The following DNAJB14 variants were observed in gnomAD, a reference collection of about 807,000 sequenced individuals.
DNAJB14 encodes dnaJ homolog subfamily B member 14.
Under a neutral mutation model 48.4 loss-of-function variants are expected in DNAJB14, and 22 were observed. That is an observed-to-expected ratio of 0.45 (90% CI 0.32 to 0.65). DNAJB14 has a LOEUF of 0.65. Ranked by LOEUF, DNAJB14 falls within the 30% of genes least tolerant of loss-of-function variation. The probability of loss-of-function intolerance (pLI) is 0.03; values close to 1 mark genes in which losing one functional copy is unlikely to be tolerated. For missense variants in DNAJB14, 319 were observed against 458.8 expected, an observed-to-expected ratio of 0.70 and a Z score of 2.78; for synonymous variants, 142 against 158.7, an observed-to-expected ratio of 0.89 and a Z score of 0.79.
intron 1 of DNAJB14, among the ~76,000 whole-genome samples, chr4:99,935,133 A>G (rs1308685576): frequency 6.6e-6 from 1 of 152,184 alleles, no homozygotes; most frequent in African/African-American, 2.4e-5. Context: ...AAAACAAAAA[A>G]TCTGAAACTA....
rs1725212762 is a variant in DNAJB14 at position 99,899,089 on chromosome 4, A to G, written c.*1939T>C. ...TCCAAAAGCCATGTATGACTTTATAATATATACTTTATGGTATCACTTAAC... is the reference window on the plus strand; with the variant it reads ...TCCAAAAGCCATGTATGACTTTATAGTATATACTTTATGGTATCACTTAAC... On this transcript the variant is annotated 3_prime_UTR_variant, in exon 8 of 8. Transcript: ENST00000442697. 6.6e-6 allele frequency: 1 copy of G among 151,920 alleles called. No homozygotes were observed. Among genetic ancestry groups the G allele is most frequent in the African/African-American group, 2.4e-5 (1 of 41,424 alleles). The allele number at this position is 151,920 out of a possible 1,614,324, so 9.4% of individuals were successfully genotyped here. A position where few individuals can be genotyped will look rare whatever the true frequency, so the allele number is the denominator to read the frequency against.
rs533993168 is a variant in DNAJB14, at chr4:99,896,309, C to T, written c.*4719G>A. 2 of 152,180 alleles carry T rather than the reference C, an allele frequency of 1.3e-5. No homozygotes were observed. The highest frequency in any genetic ancestry group is 3.9e-4 in the East Asian group (2 of 5,184). 9.4% of individuals were successfully genotyped at this position (152,180 alleles called of 1,614,324 possible). A position where few individuals can be genotyped will look rare whatever the true frequency, so the allele number is the denominator to read the frequency against. ...GAGATAAACTACAGAGACTGAAAGA[C>T]AAAAATTCATATTTCATTCAGAACA... On this transcript the variant is annotated 3_prime_UTR_variant, in exon 8 of 8. Transcript: ENST00000442697.
At chr4:99,923,558 C>A (rs567403201) in intron 2 of DNAJB14, 99 of 571,902 alleles carry the variant, frequency 1.7e-4, no homozygotes, top group Non-Finnish European at 2.1e-4. Flanking sequence ...TTCCAAAACT[C>A]CTCAAAAGTA....
chr4:99,919,113 A>G (rs1401135720), intron 3 of DNAJB14, among the ~76,000 whole-genome samples: 3 of 151,674 alleles, frequency 2.0e-5, no homozygotes, highest in African/African-American at 7.3e-5. Flanking sequence ...TGGGGCCACA[A>G]TTTTTCCTGT....
At chr4:99,907,638 A>C (rs898423004) in intron 4 of DNAJB14, among the ~76,000 whole-genome samples, 4 of 152,092 alleles carry the variant, frequency 2.6e-5, no homozygotes, top group Admixed American at 2.0e-4. Context: ...TGATTGCCCC[A>C]GTGTACTCCA....
At position 99,905,597 on chromosome 4, in the gene DNAJB14, G is replaced by A. The variant is rs149618769; in HGVS notation, c.842C>T (p.Ser281Phe). The A allele has an allele frequency of 3.7e-5, 59 of 1,602,494 alleles. No homozygotes were observed. The highest frequency in any genetic ancestry group is 3.2e-4 in the Admixed American group (19 of 59,518). ...SNPPYSLYPR[S>F]GTGQTIKMQT... is the part of the protein sequence containing the mutation. The stretch of plus-strand genomic sequence containing the variant: ...TGTAAAACTTCACTTGGCTACTTAC[G>A]ATCTGGGATATAAGGAATAAGGAGG... Residue 281 changes from serine to phenylalanine, a missense_variant and splice_region_variant, in exon 6 of 8, where the codon TCT becomes TTT. Ser to Phe is a radical substitution (Grantham distance 155). Transcript: ENST00000442697.
chr4:99,925,168 C>A, intron 2 of DNAJB14: 1 of 215,138 alleles, frequency 4.6e-6, no homozygotes, highest in Non-Finnish European at 9.2e-6. Flanking sequence ...CACATCTTCC[C>A]ATGTACTTTA....
chr4:99,923,001 A>G (rs1253633099), intron 3 of DNAJB14, 39 bp downstream of exon 3: 2 of 1,560,272 alleles, frequency 1.3e-6, no homozygotes, highest in East Asian at 2.3e-5. Context: ...TGAATTCTAA[A>G]GACAGCTTAG....
At chr4:99,923,732 T>C (rs1473104393) in intron 2 of DNAJB14, 3 of 968,694 alleles carry the variant, frequency 3.1e-6, no homozygotes, top group Non-Finnish European at 3.7e-6. Flanking sequence ...GATGGGGTCT[T>C]GTTATGTTGG....
intron 6 of DNAJB14, among the ~76,000 whole-genome samples, chr4:99,904,484 G>T (rs909491262): frequency 6.6e-6 from 1 of 151,964 alleles, no homozygotes; most frequent in Non-Finnish European, 1.5e-5. Flanking sequence ...TTACCTTCAG[G>T]CTGTGTGAAT....
chr4:99,932,900 T>C (rs1366885142), intron 1 of DNAJB14, among the ~76,000 whole-genome samples: 1 of 152,182 alleles, frequency 6.6e-6, no homozygotes, highest in Non-Finnish European at 1.5e-5. Context: ...ACTATACGGT[T>C]CCGTTTATAT....
At chr4:99,903,170 C>A (rs1242537321) in intron 7 of DNAJB14, among the ~76,000 whole-genome samples, 1 of 152,030 alleles carries the variant, frequency 6.6e-6, no homozygotes, top group Admixed American at 6.6e-5. Context: ...TCAGCAGATT[C>A]TTATATCAAT....
chr4:99,932,469 CA>C (rs1726511710), intron 1 of DNAJB14, among the ~76,000 whole-genome samples: 1 of 152,048 alleles, frequency 6.6e-6, no homozygotes, highest in Non-Finnish European at 1.5e-5. Flanking sequence ...AGAGAAGTAT[CA>C]CTTCAAACCC....
chr4:99,923,322 T>G (rs1265066028), intron 2 of DNAJB14, 137 bp from the exon 3 acceptor site: 18 of 822,564 alleles, frequency 2.2e-5, no homozygotes, highest in Admixed American at 3.4e-5. Context: ...GCTTATCCCT[T>G]TAAGGATTAG....
intron 4 of DNAJB14, among the ~76,000 whole-genome samples, chr4:99,908,272 A>C (rs544906832): frequency 6.6e-6 from 1 of 152,286 alleles, no homozygotes; most frequent in South Asian, 2.1e-4. Context: ...GTTTAAATGG[A>C]AATAGAGATG....
At chr4:99,915,166 G>C (rs981581171) in intron 3 of DNAJB14, among the ~76,000 whole-genome samples, 2 of 152,080 alleles carry the variant, frequency 1.3e-5, no homozygotes, top group African/African-American at 2.4e-5. Flanking sequence ...TCCTTTAGCT[G>C]GTCTTCTCAA....
At chr4:99,907,052 A>C (rs1383283555) in intron 4 of DNAJB14, among the ~76,000 whole-genome samples, 1 of 152,186 alleles carries the variant, frequency 6.6e-6, no homozygotes, top group East Asian at 1.9e-4. Flanking sequence ...CTTGGTATAG[A>C]TGGACCAGAA....
intron 3 of DNAJB14, 94 bp downstream of exon 3, chr4:99,922,946 G>T: frequency 7.6e-7 from 1 of 1,321,630 alleles, no homozygotes; most frequent in Non-Finnish European, 1.0e-6. Flanking sequence ...GTCTCTAAAT[G>T]CACCAGTCCA....
intron 5 of DNAJB14, 90 bp from the exon 6 acceptor site, chr4:99,905,796 G>A (rs571916128): frequency 4.5e-5 from 63 of 1,385,670 alleles, no homozygotes; most frequent in Non-Finnish European, 5.5e-5. Context: ...GGCAGAAAGC[G>A]CATTTGAGAT....
Sources: gnomAD v4.1 joint callset for allele counts (sites outside exome capture counted in the v4.1 genomes callset) on GRCh38, gnomAD v4.1.1 for gene constraint, MANE v1.5 for transcripts, NCBI Gene and HGNC (gene_info 2026-07-23, HGNC 2026-07-21) for gene names.